Variants in NUDT1 observed in about 807,000 individuals in gnomAD.
NUDT1 encodes oxidized purine nucleoside triphosphate hydrolase.
A neutral mutation model predicts 11.3 loss-of-function variants in NUDT1; 16 were observed. That is an observed-to-expected ratio of 1.41 (90% CI 0.96 to 2.15). The LOEUF is 2.15. Among genes scored for constraint, NUDT1 ranks in the 30% most tolerant of loss-of-function variants. The pLI is 0.00. For missense variants in NUDT1, 234 were observed against 208.4 expected, an observed-to-expected ratio of 1.12 and a Z score of -0.76; for synonymous variants, 101 against 84.4, an observed-to-expected ratio of 1.20 and a Z score of -1.08.
At chr7:2,249,827 C>A in intron 2 of NUDT1, 30 bp from the exon 3 acceptor site, 1 of 1,609,956 alleles carries the variant, frequency 6.2e-7, no homozygotes. Flanking sequence ...GCCCTGACGG[C>A]CTCCCTCCCC....
intron 1 of NUDT1, chr7:2,243,084 T>C (rs1008477022): frequency 2.8e-6 from 2 of 709,410 alleles, no homozygotes; most frequent in Non-Finnish European, 5.3e-6. Context: ...CTGAGCAGCC[T>C]GGGCTCTCCT....
At chr7:2,243,499 G>A (rs970880321) in intron 1 of NUDT1, among the ~76,000 whole-genome samples, 9 of 152,168 alleles carry the variant, frequency 5.9e-5, no homozygotes, top group Admixed American at 3.3e-4. Flanking sequence ...CTGGCTGGGC[G>A]CAGTGGCTCA....
intron 2 of NUDT1, among the ~76,000 whole-genome samples, chr7:2,245,397 T>C (rs1485146459): frequency 1.3e-5 from 2 of 152,196 alleles, no homozygotes; most frequent in African/African-American, 4.8e-5. Flanking sequence ...AAGAGGGTCC[T>C]GGCACGGAGG....
chr7:2,249,568 A>C, intron 2 of NUDT1: 5 of 480,166 alleles, frequency 1.0e-5, no homozygotes, highest in Non-Finnish European at 1.9e-5. Context: ...TGGTACACAG[A>C]GGGCACTGGG....
At chr7:2,249,767 G>A (rs1416494869) in intron 2 of NUDT1, 90 bp from the exon 3 acceptor site, 3 of 1,554,076 alleles carry the variant, frequency 1.9e-6, no homozygotes, top group Non-Finnish European at 2.6e-6. Flanking sequence ...CCTGGGCTGT[G>A]TGTAGATGCC....
At chr7:2,242,364 A>G in intron 1 of NUDT1, 108 bp downstream of exon 1, 1 of 530,066 alleles carries the variant, frequency 1.9e-6, no homozygotes, top group East Asian at 3.5e-5. Flanking sequence ...CTTGGGGGAG[A>G]GCGGGGCCGG....
chr7:2,243,933 GGGTGCCA>G (rs1794662293), intron 1 of NUDT1, among the ~76,000 whole-genome samples: 1 of 152,228 alleles, frequency 6.6e-6, no homozygotes, highest in Admixed American at 6.5e-5. Flanking sequence ...TGGCCCCCCT[GGGTGCCA>G]GGTCCCACAG....
intron 1 of NUDT1, chr7:2,242,477 T>G: frequency 8.5e-6 from 4 of 470,252 alleles, no homozygotes; most frequent in African/African-American, 2.1e-5. Flanking sequence ...GGCGGAGGCT[T>G]GGGGGAGACC....
chr7:2,246,239 CAGT>C (rs1369665759), intron 2 of NUDT1, among the ~76,000 whole-genome samples: 1 of 152,202 alleles, frequency 6.6e-6, no homozygotes, highest in African/African-American at 2.4e-5. Flanking sequence ...AGGAACAGGT[CAGT>C]CCCTGCCTCT....
At chr7:2,242,931 T>C in intron 1 of NUDT1, 2 of 712,104 alleles carry the variant, frequency 2.8e-6, no homozygotes, top group Non-Finnish European at 5.2e-6. Flanking sequence ...CTAGGTTTCT[T>C]GCCTTGATGT....
At chr7:2,250,494 G>C (rs1342944938) in intron 3 of NUDT1, among the ~76,000 whole-genome samples, 5 of 152,234 alleles carry the variant, frequency 3.3e-5, no homozygotes, top group Non-Finnish European at 7.3e-5. Flanking sequence ...GTCTCGCTCT[G>C]TCGCCCAGGC....
intron 2 of NUDT1, among the ~76,000 whole-genome samples, chr7:2,246,929 TAAAG>T (rs1040460416): frequency 1.6e-4 from 24 of 151,974 alleles, no homozygotes; most frequent in Admixed American, 8.5e-4. Flanking sequence ...GACCCTGTCT[TAAAG>T]AAAGAAAGAA....
chr7:2,249,403 C>T (rs887911579), intron 2 of NUDT1: 5 of 234,308 alleles, frequency 2.1e-5, no homozygotes, highest in East Asian at 2.3e-4. Flanking sequence ...CCCAGGGCCC[C>T]GGCGGTCGTA....
chr7:2,244,666 G>C lies in NUDT1; in HGVS notation c.92G>C (p.Arg31Pro), dbSNP rs139825597. 6.2e-7 allele frequency: 1 copy of C among 1,613,672 alleles called. No homozygotes were observed. Among genetic ancestry groups the C allele is most frequent in the Non-Finnish European group, 8.5e-7 (1 of 1,179,846 alleles). Residue 31 changes from arginine to proline, a missense_variant, in exon 2 of 4, where the codon CGG (arginine) becomes CCG (proline). Physicochemically the swap from Arg to Pro is moderately radical, Grantham distance 103. Transcript: ENST00000356714. The part of the protein sequence containing the change: ...GMKKRGFGAG[R>P]WNGFGGKVQE... ...AAAAAGCGAGGCTTCGGGGCCGGCCGGTGGAATGGCTTTGGGGGCAAAGTG... is the reference window on the plus strand; with the variant it reads ...AAAAAGCGAGGCTTCGGGGCCGGCCCGTGGAATGGCTTTGGGGGCAAAGTG...
intron 1 of NUDT1, chr7:2,242,726 T>G (rs955594558): frequency 1.8e-5 from 8 of 455,536 alleles, no homozygotes; most frequent in Non-Finnish European, 2.8e-5. Context: ...CTCAAGCCTC[T>G]AGGGGAACAT....
chr7:2,249,013 A>T (rs1794874911), intron 2 of NUDT1, among the ~76,000 whole-genome samples: 1 of 152,238 alleles, frequency 6.6e-6, no homozygotes, highest in Admixed American at 6.5e-5. Flanking sequence ...GTTGTCTATA[A>T]CAAATATGTA....
At chr7:2,246,981 A>G (rs1477076319) in intron 2 of NUDT1, among the ~76,000 whole-genome samples, 1 of 151,988 alleles carries the variant, frequency 6.6e-6, no homozygotes, top group Non-Finnish European at 1.5e-5. Context: ...AAGCATGAGG[A>G]ATGGGGGACA....
At chr7:2,250,466 T>C (rs555734231) in intron 3 of NUDT1, among the ~76,000 whole-genome samples, 6 of 152,122 alleles carry the variant, frequency 3.9e-5, no homozygotes, top group Non-Finnish European at 8.8e-5. Context: ...GTTGTTGCTG[T>C]TGTTGTTTTG....
In NUDT1 at chr7:2,244,616, G is replaced by C. The variant is rs112427646; in HGVS notation, c.42G>C (p.Gln14His). The C allele has an allele frequency of 1.5e-5, 25 of 1,613,288 alleles. 1 individual carries two copies. In the African/African-American group the frequency reaches 1.7e-4, roughly 11 times the overall value. ...SRLYTLVLVL[Q>H]PQRVLLGMKK... ...TCTATACCCTGGTGCTGGTCCTGCAGCCTCAGCGAGTTCTCCTGGGCATGA... is the reference window on the plus strand; with the variant it reads ...TCTATACCCTGGTGCTGGTCCTGCACCCTCAGCGAGTTCTCCTGGGCATGA... Residue 14 changes from glutamine to histidine, a missense_variant, in exon 2 of 4, where the codon CAG becomes CAC. Coordinates refer to ENST00000356714, the MANE Select transcript of NUDT1 (RefSeq NM_002452.4).
Sources: allele counts gnomAD v4.1 joint callset (sites outside exome capture counted in the v4.1 genomes callset), GRCh38; gene constraint gnomAD v4.1.1; transcripts MANE v1.5; gene names NCBI Gene and HGNC (gene_info 2026-07-23, HGNC 2026-07-21).